Variants in LRRC61 observed in about 807,000 individuals in gnomAD.
The protein encoded by LRRC61 is leucine-rich repeat-containing protein 61.
In LRRC61, 9 loss-of-function variants were observed where a neutral mutation model predicts 15.1. That is an observed-to-expected ratio of 0.60 (90% CI 0.36 to 1.04). The LOEUF (loss-of-function observed/expected upper bound fraction) is 1.04, where lower values mean the gene tolerates loss of function less well. LRRC61 is among the 50% of genes least tolerant of loss of function. The pLI is 0.01. For synonymous variants in LRRC61, 173 were observed against 158.6 expected (o/e 1.09, Z -0.68); for missense variants, 344 against 335.6 (o/e 1.03, Z -0.20).
intron 2 of LRRC61, chr7:150,331,287 C>A: frequency 1.6e-6 from 1 of 644,800 alleles, no homozygotes; most frequent in South Asian, 2.2e-5. Flanking sequence ...GGATACAGAC[C>A]CTGCAGTCCG....
chr7:150,313,078 C>T, the LRRC61 span, among the ~76,000 whole-genome samples: 1 of 152,178 alleles, frequency 6.6e-6, no homozygotes, highest in Non-Finnish European at 1.5e-5. Flanking sequence ...CCACCATGCA[C>T]CCCGTAACCC....
intron 1 of LRRC61, among the ~76,000 whole-genome samples, chr7:150,325,537 G>A (rs1360154383): frequency 1.3e-5 from 2 of 152,200 alleles, no homozygotes; most frequent in Non-Finnish European, 1.5e-5. Context: ...GTGCAATCAC[G>A]GCTCACTGCA....
At chr7:150,329,494 C>T (rs747892563) in intron 2 of LRRC61, among the ~76,000 whole-genome samples, 1 of 152,170 alleles carries the variant, frequency 6.6e-6, no homozygotes, top group African/African-American at 2.4e-5. Flanking sequence ...CCCAGCCACA[C>T]TCTCTGCCTG....
At chr7:150,315,906 C>T in the LRRC61 span, among the ~76,000 whole-genome samples, 23 of 152,006 alleles carry the variant, frequency 1.5e-4, no homozygotes, top group Admixed American at 1.1e-3. Flanking sequence ...TATTTAAAAA[C>T]GAATGCATAG....
At chr7:150,331,093 C>G in intron 2 of LRRC61, 1 of 1,612,628 alleles carries the variant, frequency 6.2e-7, no homozygotes, top group Non-Finnish European at 8.5e-7. Context: ...ATCTGTCTTA[C>G]CCCCCACAGG....
chr7:150,327,990 A>C (rs1249159656), intron 2 of LRRC61, among the ~76,000 whole-genome samples: 2 of 152,156 alleles, frequency 1.3e-5, no homozygotes, highest in Non-Finnish European at 2.9e-5. Flanking sequence ...CATCCCAATA[A>C]AGCAGTGTCT....
At chr7:150,312,763 T>A in the LRRC61 span, among the ~76,000 whole-genome samples, 1 of 152,166 alleles carries the variant, frequency 6.6e-6, no homozygotes, top group African/African-American at 2.4e-5. Flanking sequence ...AAAAAACCGA[T>A]ATTTTCTTCA....
At chr7:150,326,934 A>C (rs1239717213) in intron 2 of LRRC61, among the ~76,000 whole-genome samples, 1 of 152,178 alleles carries the variant, frequency 6.6e-6, no homozygotes, top group Non-Finnish European at 1.5e-5. Flanking sequence ...TGGTGGCTGA[A>C]AGTTCTTGCG....
At chr7:150,320,044 T>C (rs1797341091), upstream of LRRC61, among the ~76,000 whole-genome samples, 1 of 152,238 alleles carries the variant, frequency 6.6e-6, no homozygotes, top group South Asian at 2.1e-4. Context: ...AGAAACTCCT[T>C]GTTTTAGAGT....
chr7:150,319,484 G>A (rs1246661969), upstream of LRRC61, among the ~76,000 whole-genome samples: 1 of 152,172 alleles, frequency 6.6e-6, no homozygotes, highest in Non-Finnish European at 1.5e-5. Flanking sequence ...TGGGATTATA[G>A]GCATGAGCCA....
the LRRC61 span, among the ~76,000 whole-genome samples, chr7:150,317,112 C>T: frequency 1.3e-5 from 2 of 151,818 alleles, no homozygotes; most frequent in African/African-American, 2.4e-5. Context: ...TGTGCAATGG[C>T]GTGATCTCGG....
intron 2 of LRRC61, 23 bp downstream of exon 2, chr7:150,326,033 G>C (rs1361781198): frequency 6.6e-6 from 1 of 152,442 alleles, no homozygotes; most frequent in Non-Finnish European, 1.5e-5. Flanking sequence ...TTGCAAGACG[G>C]GTCTAAGCTC....
Position 150,337,064 on chromosome 7 carries a change from T to G in LRRC61, c.203T>G (p.Leu68Arg). Residue 68 changes from leucine to arginine, a missense_variant, in exon 3 of 3, where the codon CTG (leucine) becomes CGG (arginine). Physicochemically the swap from Leu to Arg is moderately radical, Grantham distance 102. Coordinates refer to ENST00000359623, the MANE Select transcript of LRRC61 (RefSeq NM_001142928.2). ...CTATCAGGCAACGCGCTCACCCACCTGGGCCCGCTGGCCTCCTTGCGCCAG... is the reference window on the plus strand; with the variant it reads ...CTATCAGGCAACGCGCTCACCCACCGGGGCCCGCTGGCCTCCTTGCGCCAG... ...LDLSGNALTH[L>R]GPLASLRQLA... The G allele has an allele frequency of 6.2e-7, 1 of 1,613,018 alleles. No individual in the cohort carries two copies. Among genetic ancestry groups the G allele is most frequent in the Non-Finnish European group, 8.5e-7 (1 of 1,179,852 alleles).
At chr7:150,331,956 A>G (rs1798121624) in intron 2 of LRRC61, 1 of 167,024 alleles carries the variant, frequency 6.0e-6, no homozygotes, top group Admixed American at 6.5e-5. Flanking sequence ...TAGCTAGGAG[A>G]GCTGAGACGC....
At position 150,337,193 on chromosome 7, in the gene LRRC61, C is replaced by T. The variant is rs781570841; in HGVS notation, c.332C>T (p.Thr111Ile). 3.7e-6 allele frequency: 6 copies of T among 1,607,012 alleles called. No homozygotes were observed. The African/African-American group carries it at 8.0e-5, about 21-fold the overall frequency. Residue 111 changes from threonine to isoleucine, a missense_variant, in exon 3 of 3, where the codon ACC (threonine) becomes ATC (isoleucine). Physicochemically the swap from Thr to Ile is moderately conservative, Grantham distance 89. Coordinates refer to ENST00000359623, the MANE Select transcript of LRRC61 (RefSeq NM_001142928.2). ...AATGCCGCAGGCAACCTACTGGCCA[C>T]CCCGGGCCAGCTGCAGTGTCTGGCT... ...SLNAAGNLLA[T>I]PGQLQCLAGL...
At chr7:150,328,718 C>G (rs756880272) in intron 2 of LRRC61, 1 of 152,256 alleles carries the variant, frequency 6.6e-6, no homozygotes, top group Non-Finnish European at 1.5e-5. Context: ...TTACGGGGCT[C>G]CCTTGAACCC....
In LRRC61 at chr7:150,337,379, A is replaced by G; in HGVS notation, c.518A>G (p.Tyr173Cys). 1 of 1,605,566 alleles carries G rather than the reference A, an allele frequency of 6.2e-7. No homozygotes were observed. The highest frequency in any genetic ancestry group is 8.5e-7 in the Non-Finnish European group (1 of 1,179,920). Residue 173 changes from tyrosine (Y) to cysteine (C), a missense_variant, in exon 3 of 3, where the codon TAC becomes TGC. Physicochemically the swap from Tyr to Cys is radical, Grantham distance 194. Transcript: ENST00000359623. ...GTGATTGGGCGTGGTAGTGAGTTCT[A>G]CCAGCTGTGCCGAGACCTGGACAGC... ...ERVIGRGSEF[Y>C]QLCRDLDSSL...
chr7:150,336,788 G>A lies in LRRC61; in HGVS notation c.-74G>A. On this transcript the variant is annotated 5_prime_UTR_variant, in exon 3 of 3. Coordinates refer to ENST00000359623, the MANE Select transcript of LRRC61 (RefSeq NM_001142928.2). ...ACTGGCCTGGGTAGAGCCAGGGCGA[G>A]CACCAGCTGACCCCCAGTGGAACCC... 6.5e-6 allele frequency: 10 copies of A among 1,534,034 alleles called. No homozygotes were observed. The highest frequency in any genetic ancestry group is 8.8e-6 in the Non-Finnish European group (10 of 1,141,264).
At chr7:150,321,362 G>A (rs117304077), upstream of LRRC61, among the ~76,000 whole-genome samples, 1 of 152,284 alleles carries the variant, frequency 6.6e-6, no homozygotes, top group Non-Finnish European at 1.5e-5. Context: ...GTAACATGCT[G>A]TGTGAGTCTC....
Sources: allele counts gnomAD v4.1 joint callset (sites outside exome capture counted in the v4.1 genomes callset), GRCh38; gene constraint gnomAD v4.1.1; transcripts MANE v1.5; gene names NCBI Gene and HGNC (gene_info 2026-07-23, HGNC 2026-07-21).